CHSY3: variants seen among roughly 807,000 people sequenced by gnomAD.
CHSY3 encodes the protein chondroitin sulfate synthase 3, also known as N-acetylgalactosaminyl-proteoglycan 3-beta-glucuronosyltransferase 3.
A neutral mutation model predicts 67.2 loss-of-function variants in CHSY3; 35 were observed. The ratio of observed to expected loss-of-function variants is 0.52; its 90% CI spans 0.40 to 0.69. The LOEUF is 0.69. Among genes scored for constraint, CHSY3 ranks in the 30% least tolerant of loss-of-function variants. The probability of loss-of-function intolerance (pLI) is 0.00; values close to 1 mark genes in which losing one functional copy is unlikely to be tolerated. For synonymous variants in CHSY3, 474 were observed against 434.7 expected (o/e 1.09, Z -1.12); for missense variants, 1,069 against 1,138.5 (o/e 0.94, Z 0.88).
At chr5:130,146,452 G>A (rs1039120093) in intron 2 of CHSY3, among the ~76,000 whole-genome samples, 1 of 152,124 alleles carries the variant, frequency 6.6e-6, no homozygotes, top group Non-Finnish European at 1.5e-5. Flanking sequence ...AGAGACTGGA[G>A]AGGGAAGGGA....
In CHSY3 at chr5:129,905,585, C is replaced by T. The variant is rs757725102; in HGVS notation, c.756C>T (p.Asp252=). The T allele has an allele frequency of 6.2e-7, 1 of 1,613,814 alleles. No homozygotes were observed. Among genetic ancestry groups the T allele is most frequent in the Non-Finnish European group, 8.5e-7 (1 of 1,180,020 alleles). Residue 252 remains aspartate, a synonymous_variant, in exon 1 of 3, where the codon GAC becomes GAT. Coordinates refer to ENST00000305031, the MANE Select transcript of CHSY3 (RefSeq NM_175856.5). ...AGTACATGCACGACCACTACCTGGA[C>T]AAGTATGAGTGGTTCATGCGCGCCG... ...MIKYMHDHYL[D]KYEWFMRADD... is the part of the protein sequence containing the mutation.
chr5:130,164,766 C>T (rs542305353), intron 2 of CHSY3, among the ~76,000 whole-genome samples: 1 of 152,094 alleles, frequency 6.6e-6, no homozygotes, highest in Non-Finnish European at 1.5e-5. Context: ...TGTTAAGAAG[C>T]CAGATGTATC....
chr5:129,941,775 A>G (rs1451148814), intron 2 of CHSY3, among the ~76,000 whole-genome samples: 3 of 152,128 alleles, frequency 2.0e-5, no homozygotes, highest in African/African-American at 7.2e-5. Context: ...GTAAGATTGC[A>G]TGGGTTGGAA....
intron 2 of CHSY3, among the ~76,000 whole-genome samples, chr5:130,013,872 G>A (rs981735645): frequency 6.6e-6 from 1 of 152,204 alleles, no homozygotes; most frequent in Admixed American, 6.5e-5. Context: ...AGAAAATGGG[G>A]TTTTCTTTTT....
At chr5:129,921,249 G>A (rs895837311) in intron 2 of CHSY3, among the ~76,000 whole-genome samples, 10 of 152,140 alleles carry the variant, frequency 6.6e-5, no homozygotes, top group African/African-American at 2.2e-4. Flanking sequence ...AGTAAAACAT[G>A]TACTATGCAC....
chr5:130,011,296 G>A (rs1764051862), intron 2 of CHSY3, among the ~76,000 whole-genome samples: 1 of 152,142 alleles, frequency 6.6e-6, no homozygotes, highest in South Asian at 2.1e-4. Context: ...GGTTTTATTT[G>A]TGAGATGCAT....
At chr5:129,909,791 ATTG>A (rs947327667) in intron 2 of CHSY3, among the ~76,000 whole-genome samples, 26 of 151,976 alleles carry the variant, frequency 1.7e-4, no homozygotes, top group African/African-American at 4.8e-4. Flanking sequence ...ACATGCTGTT[ATTG>A]TTTTGCAGGT....
intron 2 of CHSY3, among the ~76,000 whole-genome samples, chr5:129,946,162 C>A (rs1761849590): frequency 6.6e-6 from 1 of 152,010 alleles, no homozygotes; most frequent in African/African-American, 2.4e-5. Flanking sequence ...AGGTATGTGG[C>A]TTGATGTTAA....
intron 2 of CHSY3, among the ~76,000 whole-genome samples, chr5:130,152,584 T>A (rs1051877611): frequency 3.3e-5 from 5 of 152,204 alleles, no homozygotes; most frequent in Non-Finnish European, 7.3e-5. Context: ...GTTCTCTTGC[T>A]AAAATTGGAG....
chr5:130,128,194 ATTT>A (rs775655238), intron 2 of CHSY3, among the ~76,000 whole-genome samples: 16 of 151,286 alleles, frequency 1.1e-4, no homozygotes, highest in Non-Finnish European at 2.4e-4. Flanking sequence ...ATTAAAAAAT[ATTT>A]TTAGTAGCCA....
chr5:130,185,012 C>G lies in CHSY3; in HGVS notation c.1870C>G (p.Leu624Val), dbSNP rs368982175. ...GGHNEKKVHILVPLIGRYDIF... is the reference protein window; with the variant it reads ...GGHNEKKVHIVVPLIGRYDIF... Reference sequence around the variant, plus strand: ...GCACAATGAAAAGAAAGTACACATTCTCGTTCCTCTCATCGGAAGGTATGA... The same window carrying G: ...GCACAATGAAAAGAAAGTACACATTGTCGTTCCTCTCATCGGAAGGTATGA... Residue 624 changes from leucine (L) to valine (V), a missense_variant, in exon 3 of 3, where the codon CTC (leucine) becomes GTC (valine). Physicochemically the swap from Leu to Val is conservative, Grantham distance 32. Around this residue, in one of 5 missense-constraint regions of CHSY3, gnomAD observed 401 missense variants for 395.2 expected, o/e 1.01. Transcript: ENST00000305031. 1.3e-5 allele frequency: 21 copies of G among 1,566,246 alleles called. No individual in the cohort carries two copies. Among genetic ancestry groups the G allele is most frequent in the Non-Finnish European group, 1.8e-5 (20 of 1,136,736 alleles).
At chr5:130,049,631 A>C (rs921257970) in intron 2 of CHSY3, among the ~76,000 whole-genome samples, 1 of 152,150 alleles carries the variant, frequency 6.6e-6, no homozygotes, top group African/African-American at 2.4e-5. Context: ...GTATGAAGAT[A>C]AAATTATCCT....
At chr5:130,015,902 A>G (rs982329653) in intron 2 of CHSY3, among the ~76,000 whole-genome samples, 1 of 152,356 alleles carries the variant, frequency 6.6e-6, no homozygotes, top group African/African-American at 2.4e-5. Flanking sequence ...CTACACAGCC[A>G]TAAAAATGAA....
At chr5:130,087,191 T>C (rs1229473103) in intron 2 of CHSY3, among the ~76,000 whole-genome samples, 1 of 151,686 alleles carries the variant, frequency 6.6e-6, no homozygotes, top group Non-Finnish European at 1.5e-5. Flanking sequence ...AAACTCTCAA[T>C]AAATTAGGTA....
Position 129,904,902 on chromosome 5 carries a change from T to C in CHSY3, c.73T>C (p.Trp25Arg). ...GLVLGFTAAS[W>R]LIAPRVAELS... is the part of the protein sequence containing the mutation. ...GGTGCTGGGCTTCACCGCCGCGTCC[T>C]GGCTCATCGCCCCCAGGGTGGCGGA... The change falls in exon 1 of 3, where the codon TGG becomes CGG. Residue 25 changes from tryptophan (W) to arginine (R), a missense_variant. By Grantham distance (101) the Trp-to-Arg change is moderately radical. Coordinates refer to ENST00000305031, the MANE Select transcript of CHSY3 (RefSeq NM_175856.5). 6.5e-7 allele frequency: 1 copy of C among 1,529,948 alleles called. No individual in the cohort carries two copies. Among genetic ancestry groups the C allele is most frequent in the Non-Finnish European group, 8.8e-7 (1 of 1,139,822 alleles). 94.8% of individuals were successfully genotyped at this position (1,529,948 alleles called of 1,614,324 possible).
At chr5:130,003,581 T>A (rs572771200) in intron 2 of CHSY3, among the ~76,000 whole-genome samples, 2 of 152,092 alleles carry the variant, frequency 1.3e-5, no homozygotes, top group Non-Finnish European at 2.9e-5. Flanking sequence ...CACATGTTCA[T>A]GTACTCTGAA....
chr5:130,133,785 A>G (rs1158683805), intron 2 of CHSY3, among the ~76,000 whole-genome samples: 10 of 128,206 alleles, frequency 7.8e-5, no homozygotes, highest in African/African-American at 2.2e-4. Flanking sequence ...AAAAAAAAAA[A>G]AAAAAAAAAA....
In CHSY3 at chr5:129,996,169, TG is replaced by T. The variant is rs143706557; in HGVS notation, c.1086+87812del. On this transcript the variant is annotated intron_variant, in intron 2 of 2. Coordinates refer to ENST00000305031, the MANE Select transcript of CHSY3 (RefSeq NM_175856.5). ...ATTTTTGTTTAAATTATTTTGTGTC[TG>T]GGAAGTGCCTAACAACAGCAGCTGT... Among the ~76,000 whole-genome samples, 699 of 152,294 alleles carry T rather than the reference TG, an allele frequency of 4.6e-3. 10 individuals carry two copies. The highest frequency in any genetic ancestry group is 0.016 in the African/African-American group (653 of 41,572).
intron 2 of CHSY3, among the ~76,000 whole-genome samples, chr5:130,142,983 G>A (rs1371136407): frequency 6.6e-6 from 1 of 152,200 alleles, no homozygotes; most frequent in Non-Finnish European, 1.5e-5. Context: ...TCTTCATTCT[G>A]TCTTCTGTAA....
Sources: gnomAD v4.1 joint callset for allele counts (sites outside exome capture counted in the v4.1 genomes callset) on GRCh38, gnomAD v4.1.1 for gene constraint, gnomAD v4.1.1 regional missense constraint, MANE v1.5 for transcripts, NCBI Gene and HGNC (gene_info 2026-07-23, HGNC 2026-07-21) for gene names.